The following KIRREL1 variants were observed in gnomAD, a reference collection of about 807,000 sequenced individuals.
The protein encoded by KIRREL1 is kirre like nephrin family adhesion molecule 1, also known as kin of IRRE-like protein 1.
In KIRREL1, 25 loss-of-function variants were observed where a neutral mutation model predicts 83.3. The observed-to-expected ratio is 0.30, with a 90% CI of 0.22 to 0.42. The LOEUF is 0.42. Among genes scored for constraint, KIRREL1 ranks in the 10% least tolerant of loss-of-function variants. KIRREL1 has a pLI of 1.00. For synonymous variants in KIRREL1, 388 were observed against 410.4 expected (o/e 0.95, Z 0.66); for missense variants, 812 against 1,032.3 (o/e 0.79, Z 2.92).
In KIRREL1 at chr1:158,016,171, G is replaced by C. The variant is rs146423492; in HGVS notation, c.52+22443G>C. On this transcript the variant is annotated intron_variant, in intron 1 of 14. Transcript: ENST00000359209. ...ATACAAAAATTAGACAGGTGTAGTG[G>C]CGTCTGCCTGTAGTCCCAGCTACTC... 1.1e-3 allele frequency among the ~76,000 whole-genome samples: 174 copies of C among 152,124 alleles called. 1 individual carries two copies. Among genetic ancestry groups the C allele is most frequent in the Admixed American group, 5.0e-3 (77 of 15,286 alleles).
At chr1:158,002,699 G>T (rs1457394807) in intron 1 of KIRREL1, among the ~76,000 whole-genome samples, 1 of 152,148 alleles carries the variant, frequency 6.6e-6, no homozygotes, top group Non-Finnish European at 1.5e-5. Flanking sequence ...AGAGAGGTAT[G>T]TGAAAAATGC....
At chr1:158,054,951 CA>C (rs1255122740) in intron 1 of KIRREL1, among the ~76,000 whole-genome samples, 1 of 152,068 alleles carries the variant, frequency 6.6e-6, no homozygotes, top group African/African-American at 2.4e-5. Context: ...CTGGGCGGTG[CA>C]TTTTTATTGA....
intron 1 of KIRREL1, among the ~76,000 whole-genome samples, chr1:158,000,991 G>A (rs1252685342): frequency 6.6e-6 from 1 of 152,228 alleles, no homozygotes; most frequent in Non-Finnish European, 1.5e-5. Flanking sequence ...TGGGTCTTGG[G>A]TTTTGAGGCA....
At chr1:158,082,162 C>T (rs544418860) in intron 3 of KIRREL1, among the ~76,000 whole-genome samples, 3 of 152,140 alleles carry the variant, frequency 2.0e-5, no homozygotes, top group Non-Finnish European at 4.4e-5. Context: ...GATAATTAGC[C>T]AGGCAGGAGT....
chr1:158,080,208 A>C (rs1410313420), intron 3 of KIRREL1, among the ~76,000 whole-genome samples: 2 of 152,164 alleles, frequency 1.3e-5, no homozygotes, highest in Non-Finnish European at 2.9e-5. Flanking sequence ...AGGCCCTAGA[A>C]GGTGCTACTG....
intron 1 of KIRREL1, among the ~76,000 whole-genome samples, chr1:158,034,788 C>T (rs12118455): frequency 0.1 from 15,524 of 152,178 alleles, 935 homozygotes; most frequent in South Asian, 0.21. Context: ...CCTGGTGATC[C>T]ACAACTTCGG....
chr1:158,059,307 G>T (rs1349903019), intron 1 of KIRREL1, among the ~76,000 whole-genome samples: 1 of 152,100 alleles, frequency 6.6e-6, no homozygotes, highest in Non-Finnish European at 1.5e-5. Flanking sequence ...CACAGCCTTG[G>T]CCCAGCCCTC....
intron 5 of KIRREL1, among the ~76,000 whole-genome samples, chr1:158,087,041 T>C (rs772538040): frequency 1.0e-3 from 153 of 152,170 alleles, no homozygotes; most frequent in African/African-American, 1.7e-3. Flanking sequence ...TTGCAAAAGA[T>C]AAAATACTGG....
Position 158,094,933 on chromosome 1 carries a change from C to G in KIRREL1, c.2087C>G (p.Pro696Arg). The G allele has an allele frequency of 2.5e-6, 4 of 1,614,070 alleles. No individual in the cohort carries two copies. The highest frequency in any genetic ancestry group is 3.4e-6 in the Non-Finnish European group (4 of 1,179,992). ...NYEKFNSHPF[P>R]GAAGYPTYRL... ...GAGAAGTTCAACTCCCATCCCTTCCCTGGGGCAGCTGGGTACCCCACCTAC... is the reference window on the plus strand; with the variant it reads ...GAGAAGTTCAACTCCCATCCCTTCCGTGGGGCAGCTGGGTACCCCACCTAC... The change falls in exon 15 of 15, where the codon CCT (proline) becomes CGT (arginine). Residue 696 changes from proline (P) to arginine (R), a missense_variant. Around this residue, in one of 3 missense-constraint regions of KIRREL1, gnomAD observed 334 missense variants for 383.7 expected, o/e 0.87. Transcript: ENST00000359209. The surrounding 1 kb of genome is among the most constrained non-coding windows in gnomAD (Gnocchi z 4.6).
chr1:158,094,418 T>A lies in KIRREL1; in HGVS notation c.1797+28T>A. On this transcript the variant is annotated intron_variant, in intron 14 of 14. Coordinates refer to ENST00000359209, the MANE Select transcript of KIRREL1 (RefSeq NM_018240.7). This position sits in a 1 kb window ranked among gnomAD's most constrained non-coding sequence, Gnocchi z 4.6. ...GGGAAAGGGGGAAGGGGCCAGGGCA[T>A]GAGGGCTGGTGGGCCAGTGGGTTTC... 6.2e-7 allele frequency: 1 copy of A among 1,601,464 alleles called. No homozygotes were observed. The highest frequency in any genetic ancestry group is 1.1e-5 in the South Asian group (1 of 89,900).
At chr1:158,018,918 A>C (rs1025943573) in intron 1 of KIRREL1, among the ~76,000 whole-genome samples, 16 of 152,156 alleles carry the variant, frequency 1.1e-4, no homozygotes, top group Admixed American at 8.5e-4. Flanking sequence ...TAGGAGGAGA[A>C]ATTTGCTTCT....
chr1:158,077,940 G>T, intron 2 of KIRREL1, 51 bp from the exon 3 acceptor site: 1 of 1,603,956 alleles, frequency 6.2e-7, no homozygotes, highest in Non-Finnish European at 8.5e-7. Context: ...TGGGATGGCT[G>T]AGGATGTGTC....
intron 1 of KIRREL1, among the ~76,000 whole-genome samples, chr1:158,055,515 G>A (rs1016844586): frequency 1.3e-5 from 2 of 152,230 alleles, no homozygotes; most frequent in African/African-American, 4.8e-5. Context: ...TCATGGGCAA[G>A]AGTGGCGGCC....
At chr1:158,089,932 C>A in intron 10 of KIRREL1, 114 bp downstream of exon 10, 1 of 838,688 alleles carries the variant, frequency 1.2e-6, no homozygotes, top group Non-Finnish European at 2.0e-6. Flanking sequence ...CCGTTTCCAT[C>A]CTCGAATCTT....
intron 1 of KIRREL1, among the ~76,000 whole-genome samples, chr1:158,060,010 T>A (rs533899597): frequency 1.3e-5 from 2 of 152,294 alleles, no homozygotes; most frequent in South Asian, 2.1e-4. Context: ...GTGTGAGGTT[T>A]CTGTGAAAGT....
chr1:158,074,106 G>T (rs1276863277), intron 1 of KIRREL1, among the ~76,000 whole-genome samples: 5 of 152,120 alleles, frequency 3.3e-5, no homozygotes, highest in Non-Finnish European at 7.4e-5. Flanking sequence ...TAATAATGTT[G>T]GCTGCTCACC....
intron 3 of KIRREL1, among the ~76,000 whole-genome samples, chr1:158,082,757 C>T (rs1481035226): frequency 6.6e-6 from 1 of 152,128 alleles, no homozygotes; most frequent in African/African-American, 2.4e-5. Context: ...TGCTTGAGCC[C>T]AGGAGTTTCA....
intron 1 of KIRREL1, among the ~76,000 whole-genome samples, chr1:158,019,634 C>T (rs556181091): frequency 6.6e-6 from 1 of 152,260 alleles, no homozygotes; most frequent in South Asian, 2.1e-4. Flanking sequence ...GTGGAAACTC[C>T]AGGCCTAATT....
rs763589876 is a variant in KIRREL1, at chr1:158,093,769, G to A, written c.1719+7G>A. 5.6e-6 allele frequency: 9 copies of A among 1,614,012 alleles called. No homozygotes were observed. Among genetic ancestry groups the A allele is most frequent in the Non-Finnish European group, 7.6e-6 (9 of 1,179,988 alleles). On this transcript the variant is annotated splice_region_variant and intron_variant, in intron 13 of 14. Coordinates refer to ENST00000359209, the MANE Select transcript of KIRREL1 (RefSeq NM_018240.7). ...CATGAAGGCCATCTACTCGGTGAGG[G>A]TCCTGCTCCTCTCTGGCCTCCTGCC...
Sources: gnomAD v4.1 joint callset for allele counts (sites outside exome capture counted in the v4.1 genomes callset) on GRCh38, gnomAD v4.1.1 for gene constraint, gnomAD v4.1.1 regional missense constraint, Gnocchi (gnomAD v3.1) non-coding constraint, MANE v1.5 for transcripts, NCBI Gene and HGNC (gene_info 2026-07-23, HGNC 2026-07-21) for gene names.